The following RIPOR2 variants were observed in gnomAD, a reference collection of about 807,000 sequenced individuals.
The protein encoded by RIPOR2 is RHO family interacting cell polarization regulator 2.
In RIPOR2, 39 loss-of-function variants were observed where a neutral mutation model predicts 114.5. The observed-to-expected ratio is 0.34, with a 90% CI of 0.26 to 0.44. The LOEUF is 0.44. Ranked by LOEUF, RIPOR2 falls within the 20% of genes least tolerant of loss-of-function variation. The pLI is 1.00. For missense variants in RIPOR2, 1,007 were observed against 1,255.1 expected (o/e 0.80, Z 2.99); for synonymous variants, 445 against 484.4 (o/e 0.92, Z 1.07).
intron 1 of RIPOR2, among the ~76,000 whole-genome samples, chr6:24,965,261 A>G (rs369739852): frequency 3.3e-5 from 5 of 152,090 alleles, no homozygotes; most frequent in South Asian, 2.1e-4. Flanking sequence ...CCACAGCTTC[A>G]TGAGTAGCTA....
intron 15 of RIPOR2, among the ~76,000 whole-genome samples, chr6:24,833,726 GT>G (rs1236181096): frequency 6.6e-6 from 1 of 152,132 alleles, no homozygotes; most frequent in Admixed American, 6.5e-5. Flanking sequence ...CAGAAGGTAA[GT>G]TTCTAAATCT....
At position 24,995,800 on chromosome 6, in the gene RIPOR2, A is replaced by ATT. The variant is rs35560241; in HGVS notation, c.76+46049_76+46050dup. On this transcript the variant is annotated intron_variant, in intron 1 of 13. Transcript: ENST00000510784. ...TACTCTCAAATCTGCAACTAGAGTG[A>ATT]TTTTTTTTTTTTTTTTTTTGAGATG... Among the ~76,000 whole-genome samples the ATT allele has an allele frequency of 7.7e-4, 105 of 136,706 alleles. 1 individual carries two copies. The highest frequency in any genetic ancestry group is 6.0e-3 in the South Asian group (26 of 4,340). 89.7% of individuals were successfully genotyped at this position (136,706 alleles called of 152,430 possible). A position where few individuals can be genotyped will look rare whatever the true frequency, so the allele number is the denominator to read the frequency against.
intron 1 of RIPOR2, among the ~76,000 whole-genome samples, chr6:24,963,536 C>T (rs1773396867): frequency 6.6e-6 from 1 of 152,038 alleles, no homozygotes; most frequent in South Asian, 2.1e-4. Context: ...GAAATGGACA[C>T]ATATATGTAC....
chr6:24,804,882 C>T lies in RIPOR2; in HGVS notation c.*1491G>A, dbSNP rs1391755895. The T allele has an allele frequency of 6.6e-6, 1 of 152,164 alleles. No individual in the cohort carries two copies. The highest frequency in any genetic ancestry group is 1.5e-5 in the Non-Finnish European group (1 of 68,030). 9.4% of individuals were successfully genotyped at this position (152,164 alleles called of 1,614,324 possible). A position where few individuals can be genotyped will look rare whatever the true frequency, so the allele number is the denominator to read the frequency against. On this transcript the variant is annotated 3_prime_UTR_variant, in exon 22 of 22. Coordinates refer to ENST00000643898, the MANE Select transcript of RIPOR2 (RefSeq NM_001286445.3). ...GGAAGAAAAGATATTTTAATAAGAG[C>T]TACTGAATGGTCTTGTACTTTGCTT...
At chr6:24,974,792 G>A (rs1306713266) in intron 1 of RIPOR2, among the ~76,000 whole-genome samples, 1 of 152,220 alleles carries the variant, frequency 6.6e-6, no homozygotes, top group African/African-American at 2.4e-5. Context: ...TAGTCATACA[G>A]TGCAAGATTA....
intron 1 of RIPOR2, among the ~76,000 whole-genome samples, chr6:25,020,971 C>A (rs989487576): frequency 2.6e-5 from 4 of 152,150 alleles, no homozygotes; most frequent in African/African-American, 9.7e-5. Flanking sequence ...ATTCTCCTGC[C>A]TCAGCCTCCC....
intron 1 of RIPOR2, among the ~76,000 whole-genome samples, chr6:24,927,642 C>T (rs1771059745): frequency 6.6e-6 from 1 of 151,466 alleles, no homozygotes; most frequent in Admixed American, 6.6e-5. Flanking sequence ...ACCACTACCG[C>T]CACCACCACC....
intron 1 of RIPOR2, among the ~76,000 whole-genome samples, chr6:24,995,308 G>A (rs1306137367): frequency 2.0e-5 from 3 of 152,176 alleles, no homozygotes; most frequent in Non-Finnish European, 4.4e-5. Context: ...GCTGCTGAAG[G>A]GGCAATGAAT....
intron 1 of RIPOR2, among the ~76,000 whole-genome samples, chr6:24,987,129 A>G (rs1774565036): frequency 6.6e-6 from 1 of 152,216 alleles, no homozygotes; most frequent in Non-Finnish European, 1.5e-5. Flanking sequence ...TCTAGAATAT[A>G]ACTGGCTGAT....
At chr6:25,005,337 A>T (rs886828403) in intron 1 of RIPOR2, among the ~76,000 whole-genome samples, 4 of 152,182 alleles carry the variant, frequency 2.6e-5, no homozygotes, top group African/African-American at 9.7e-5. Flanking sequence ...TTTCTCCAGC[A>T]GATTACAAAT....
At chr6:24,830,768 T>G (rs1375230726) in intron 16 of RIPOR2, 98 bp from the exon 17 acceptor site, 1 of 1,241,978 alleles carries the variant, frequency 8.1e-7, no homozygotes, top group African/African-American at 1.5e-5. Context: ...CAGGCTGGAG[T>G]GCAATGGCAT....
chr6:24,857,958 C>A (rs1349353043), intron 8 of RIPOR2, among the ~76,000 whole-genome samples: 1 of 152,180 alleles, frequency 6.6e-6, no homozygotes, highest in Non-Finnish European at 1.5e-5. Context: ...TCAGCCACAC[C>A]GGTCTACTTG....
At chr6:24,920,751 T>G (rs182665252) in intron 1 of RIPOR2, among the ~76,000 whole-genome samples, 2 of 152,202 alleles carry the variant, frequency 1.3e-5, no homozygotes, top group African/African-American at 2.4e-5. Flanking sequence ...GACTCCTGAT[T>G]CCGCATCACA....
chr6:24,957,579 G>C (rs886671214), intron 1 of RIPOR2, among the ~76,000 whole-genome samples: 5 of 152,124 alleles, frequency 3.3e-5, no homozygotes, highest in African/African-American at 1.2e-4. Flanking sequence ...GATTCCTAAA[G>C]AATGAGAAGG....
intron 1 of RIPOR2, among the ~76,000 whole-genome samples, chr6:24,988,846 G>A (rs1055006574): frequency 6.6e-6 from 1 of 152,170 alleles, no homozygotes; most frequent in Non-Finnish European, 1.5e-5. Flanking sequence ...ATCTATGGCT[G>A]CTTTCACACT....
chr6:24,979,466 T>G (rs1308644599), intron 1 of RIPOR2, among the ~76,000 whole-genome samples: 1 of 152,218 alleles, frequency 6.6e-6, no homozygotes, highest in East Asian at 1.9e-4. Flanking sequence ...GCTCCCCATT[T>G]TGAAAAGGTC....
chr6:24,992,616 G>C (rs1004331050), intron 1 of RIPOR2, among the ~76,000 whole-genome samples: 1 of 152,080 alleles, frequency 6.6e-6, no homozygotes, highest in African/African-American at 2.4e-5. Flanking sequence ...AGGAAGAATC[G>C]ATATCATTAA....
intron 1 of RIPOR2, among the ~76,000 whole-genome samples, chr6:24,963,047 GT>G (rs767746433): frequency 2.5e-4 from 38 of 151,964 alleles, no homozygotes; most frequent in South Asian, 1.0e-3. Flanking sequence ...TTTTGTTTTT[GT>G]TTTTTTGAGA....
At chr6:24,998,560 G>A (rs1213108115) in intron 1 of RIPOR2, among the ~76,000 whole-genome samples, 2 of 152,096 alleles carry the variant, frequency 1.3e-5, no homozygotes, top group East Asian at 3.9e-4. Context: ...TGATTCCTTT[G>A]TTTCCATGTT....
Sources: gnomAD v4.1 joint callset for allele counts (sites outside exome capture counted in the v4.1 genomes callset) on GRCh38, gnomAD v4.1.1 for gene constraint, MANE v1.5 for transcripts, NCBI Gene and HGNC (gene_info 2026-07-23, HGNC 2026-07-21) for gene names.